Variants in INPP4B observed in about 807,000 individuals in gnomAD.
INPP4B encodes inositol polyphosphate 4-phosphatase type II.
A neutral mutation model predicts 122.5 loss-of-function variants in INPP4B; 55 were observed. That is an observed-to-expected ratio of 0.45 (90% CI 0.36 to 0.56). The LOEUF (loss-of-function observed/expected upper bound fraction) is 0.56. Among genes scored for constraint, INPP4B ranks in the 20% least tolerant of loss-of-function variants. The pLI is 0.00. For synonymous variants in INPP4B, 403 were observed against 388.7 expected (o/e 1.04, Z -0.43); for missense variants, 1,000 against 1,097.7 (o/e 0.91, Z 1.26).
At chr4:142,064,172 C>T (rs1762375028) in intron 25 of INPP4B, among the ~76,000 whole-genome samples, 1 of 152,176 alleles carries the variant, frequency 6.6e-6, no homozygotes, top group Non-Finnish European at 1.5e-5. Flanking sequence ...GTTATAATGG[C>T]TATTTTCTTC....
chr4:142,364,702 G>A (rs1444380810), intron 7 of INPP4B, among the ~76,000 whole-genome samples: 1 of 152,082 alleles, frequency 6.6e-6, no homozygotes, highest in African/African-American at 2.4e-5. Context: ...GGAGCCTCAA[G>A]TAGTAAGAGG....
At chr4:142,323,295 C>T (rs1315103320) in intron 7 of INPP4B, among the ~76,000 whole-genome samples, 1 of 151,998 alleles carries the variant, frequency 6.6e-6, no homozygotes, top group Non-Finnish European at 1.5e-5. Flanking sequence ...TGGTAAGATT[C>T]CCAATTCATT....
At chr4:142,220,068 G>A (rs1848765341) in intron 12 of INPP4B, among the ~76,000 whole-genome samples, 1 of 152,136 alleles carries the variant, frequency 6.6e-6, no homozygotes. Flanking sequence ...TGTTCTTTTG[G>A]ACAATATCAC....
intron 1 of INPP4B, among the ~76,000 whole-genome samples, chr4:142,758,952 CA>C (rs374234375): frequency 0.071 from 6,868 of 96,738 alleles, 141 homozygotes; most frequent in South Asian, 0.11. Flanking sequence ...GACTCAGTCT[CA>C]AAAAAAAAAA....
intron 1 of INPP4B, among the ~76,000 whole-genome samples, chr4:142,817,504 C>T (rs1434068106): frequency 6.6e-6 from 1 of 152,126 alleles, no homozygotes; most frequent in Non-Finnish European, 1.5e-5. Context: ...CCCAGCTCTT[C>T]TCACACTTTT....
chr4:142,802,627 T>C (rs1778145550), intron 1 of INPP4B, among the ~76,000 whole-genome samples: 1 of 152,142 alleles, frequency 6.6e-6, no homozygotes, highest in African/African-American at 2.4e-5. Context: ...CAAAAGAATT[T>C]AGCATTTTTC....
chr4:142,151,683 G>A (rs1814005356), intron 17 of INPP4B, among the ~76,000 whole-genome samples: 1 of 152,128 alleles, frequency 6.6e-6, no homozygotes, highest in Non-Finnish European at 1.5e-5. Context: ...AGCAGGCTCA[G>A]TACTATAGCC....
chr4:142,469,396 T>C (rs1818406645), intron 2 of INPP4B, among the ~76,000 whole-genome samples: 1 of 152,020 alleles, frequency 6.6e-6, no homozygotes, highest in Non-Finnish European at 1.5e-5. Context: ...CACGTGTAAG[T>C]GGGGAAATAT....
chr4:142,062,739 G>A (rs939452919), intron 25 of INPP4B, among the ~76,000 whole-genome samples: 2 of 118,770 alleles, frequency 1.7e-5, no homozygotes, highest in East Asian at 2.8e-4. Context: ...CCGTCCCCCC[G>A]CAAAAACAAA....
chr4:142,394,864 G>A (rs1373585183), intron 7 of INPP4B, among the ~76,000 whole-genome samples: 1 of 152,084 alleles, frequency 6.6e-6, no homozygotes, highest in East Asian at 1.9e-4. Context: ...TGGGGTCACA[G>A]CCAAAATATC....
chr4:142,034,803 C>T (rs1457127591), intron 25 of INPP4B, among the ~76,000 whole-genome samples: 3 of 152,192 alleles, frequency 2.0e-5, no homozygotes, highest in Non-Finnish European at 4.4e-5. Flanking sequence ...TAACTAACTT[C>T]TCCTGTCCTT....
intron 2 of INPP4B, among the ~76,000 whole-genome samples, chr4:142,663,732 A>C (rs913826372): frequency 6.6e-5 from 10 of 152,130 alleles, no homozygotes; most frequent in Admixed American, 5.2e-4. Context: ...AGACCATTTT[A>C]ATTGTGTTTT....
chr4:142,302,098 C>T (rs985249444), intron 9 of INPP4B, among the ~76,000 whole-genome samples: 6 of 152,110 alleles, frequency 3.9e-5, no homozygotes, highest in South Asian at 2.1e-4. Flanking sequence ...CAAACCAGAT[C>T]GAGATCAGGA....
intron 16 of INPP4B, among the ~76,000 whole-genome samples, chr4:142,171,059 T>C (rs1399520475): frequency 6.6e-6 from 1 of 151,734 alleles, no homozygotes; most frequent in Non-Finnish European, 1.5e-5. Context: ...CCACTTGCTT[T>C]TCCCCCAGAC....
At chr4:142,432,909 C>A (rs577705712) in intron 3 of INPP4B, among the ~76,000 whole-genome samples, 2 of 152,052 alleles carry the variant, frequency 1.3e-5, no homozygotes, top group East Asian at 3.9e-4. Flanking sequence ...TTCTGTTTAT[C>A]GGTATATGTG....
At position 142,293,040 on chromosome 4, in the gene INPP4B, CT is replaced by C. The variant is rs367850143; in HGVS notation, c.503+12417del. On this transcript the variant is annotated intron_variant, in intron 9 of 25. Coordinates refer to ENST00000262992, the MANE Select transcript of INPP4B (RefSeq NM_001101669.3). ...AAGGTAATTACCTAATTTTTATACC[CT>C]TTTTTTTTTTTTTTAAGACAGAGTC... 1.4e-3 allele frequency among the ~76,000 whole-genome samples: 210 copies of C among 145,884 alleles called. 2 individuals carry two copies. The highest frequency in any genetic ancestry group is 8.2e-3 in the South Asian group (38 of 4,632).
intron 25 of INPP4B, among the ~76,000 whole-genome samples, chr4:142,066,171 TATA>T (rs1258716460): frequency 6.6e-6 from 1 of 151,788 alleles, no homozygotes; most frequent in Non-Finnish European, 1.5e-5. Flanking sequence ...GTCTATGTAA[TATA>T]ATAATTCAAC....
intron 7 of INPP4B, among the ~76,000 whole-genome samples, chr4:142,321,828 T>C (rs537546166): frequency 1.3e-5 from 2 of 152,132 alleles, no homozygotes; most frequent in South Asian, 2.1e-4. Flanking sequence ...CATGCTGTTT[T>C]GGTGGTCATA....
intron 17 of INPP4B, among the ~76,000 whole-genome samples, chr4:142,153,396 T>C (rs1815419643): frequency 6.6e-6 from 1 of 152,202 alleles, no homozygotes; most frequent in South Asian, 2.1e-4. Context: ...GGAAACAATA[T>C]CTCATTATTC....
Sources: allele counts gnomAD v4.1 joint callset (sites outside exome capture counted in the v4.1 genomes callset), GRCh38; gene constraint gnomAD v4.1.1; transcripts MANE v1.5; gene names NCBI Gene and HGNC (gene_info 2026-07-23, HGNC 2026-07-21).